PALM2AKAP2: variants seen among roughly 807,000 people sequenced by gnomAD.
PALM2AKAP2 encodes PALM2 and AKAP2 fusion, also known as PALM2-AKAP2 fusion protein.
In PALM2AKAP2, 37 loss-of-function variants were observed where a neutral mutation model predicts 71.5. The observed-to-expected ratio is 0.52, with a 90% CI of 0.40 to 0.68. The LOEUF (loss-of-function observed/expected upper bound fraction) is 0.68, where lower values mean the gene tolerates loss of function less well. Among genes scored for constraint, PALM2AKAP2 ranks in the 30% least tolerant of loss-of-function variants. The probability of loss-of-function intolerance (pLI) is 0.00; values close to 1 mark genes in which losing one functional copy is unlikely to be tolerated. For synonymous variants in PALM2AKAP2, 468 were observed against 478.8 expected, an observed-to-expected ratio of 0.98 and a Z score of 0.29; for missense variants, 1,224 against 1,191.8, an observed-to-expected ratio of 1.03 and a Z score of -0.40.
At chr9:109,964,995 C>T (rs1831919587) in intron 6 of PALM2AKAP2, among the ~76,000 whole-genome samples, 1 of 152,188 alleles carries the variant, frequency 6.6e-6, no homozygotes, top group African/African-American at 2.4e-5. Context: ...TTACCATCAA[C>T]ATTGACAGAG....
intron 1 of PALM2AKAP2, among the ~76,000 whole-genome samples, chr9:109,782,172 A>G (rs1292460742): frequency 6.6e-6 from 1 of 152,206 alleles, no homozygotes; most frequent in Non-Finnish European, 1.5e-5. Context: ...CCCTTTTCCA[A>G]GTGCGGTTGA....
intron 2 of PALM2AKAP2, among the ~76,000 whole-genome samples, chr9:109,879,231 A>T (rs1352013616): frequency 6.6e-6 from 1 of 152,228 alleles, no homozygotes. Context: ...TGATGAGATC[A>T]AACGAAATTC....
At chr9:110,123,956 CAG>C (rs1404617187) in intron 1 of PALM2AKAP2, among the ~76,000 whole-genome samples, 3 of 152,240 alleles carry the variant, frequency 2.0e-5, no homozygotes, top group Non-Finnish European at 4.4e-5. Context: ...GGCTACACAA[CAG>C]AACATTCCAA....
chr9:109,649,672 C>A (rs957742151), intron 1 of PALM2AKAP2, among the ~76,000 whole-genome samples: 1 of 152,134 alleles, frequency 6.6e-6, no homozygotes, highest in Non-Finnish European at 1.5e-5. Flanking sequence ...ATGTTAATGG[C>A]TTTGCATTTA....
chr9:109,820,619 G>A (rs1172686319), intron 1 of PALM2AKAP2, among the ~76,000 whole-genome samples: 1 of 152,180 alleles, frequency 6.6e-6, no homozygotes, highest in African/African-American at 2.4e-5. Flanking sequence ...CTTGCCACAG[G>A]GGCTGGTGAT....
chr9:109,831,515 C>T (rs544899047), intron 1 of PALM2AKAP2, among the ~76,000 whole-genome samples: 3 of 152,314 alleles, frequency 2.0e-5, no homozygotes, highest in East Asian at 1.9e-4. Context: ...ACAATGAATA[C>T]ATCCTCAGCA....
chr9:110,099,273 G>T (rs1414000468), intron 1 of PALM2AKAP2, among the ~76,000 whole-genome samples: 3 of 152,210 alleles, frequency 2.0e-5, no homozygotes, highest in Non-Finnish European at 4.4e-5. Flanking sequence ...GAGTTACCCT[G>T]CAGCCTTCTG....
intron 6 of PALM2AKAP2, among the ~76,000 whole-genome samples, chr9:109,952,039 C>G (rs937651788): frequency 2.0e-5 from 3 of 152,188 alleles, no homozygotes; most frequent in African/African-American, 7.2e-5. Context: ...TTGTTCACCT[C>G]TCTTTACCTG....
chr9:110,146,304 G>C (rs1024650410), intron 2 of PALM2AKAP2, among the ~76,000 whole-genome samples: 9 of 152,140 alleles, frequency 5.9e-5, no homozygotes, highest in African/African-American at 1.7e-4. Flanking sequence ...AAAGCAGAAC[G>C]TTCCCCACCA....
chr9:110,125,609 T>A, intron 1 of PALM2AKAP2: 1 of 984,774 alleles, frequency 1.0e-6, no homozygotes, highest in Non-Finnish European at 1.2e-6. Flanking sequence ...AAGCCAAGTC[T>A]GCTGACTTAT....
chr9:110,045,004 C>T (rs1027105266), upstream of PALM2AKAP2, among the ~76,000 whole-genome samples: 1 of 152,134 alleles, frequency 6.6e-6, no homozygotes, highest in Admixed American at 6.5e-5. Context: ...AGGCTAACTT[C>T]CTCCCCAGAA....
chr9:110,070,697 T>C (rs1420421850), intron 1 of PALM2AKAP2, among the ~76,000 whole-genome samples: 1 of 152,210 alleles, frequency 6.6e-6, no homozygotes, highest in Non-Finnish European at 1.5e-5. Context: ...GATGACTCCA[T>C]GCTGTACCAT....
intron 1 of PALM2AKAP2, among the ~76,000 whole-genome samples, chr9:110,072,766 G>T (rs1314718180): frequency 6.6e-6 from 1 of 152,152 alleles, no homozygotes; most frequent in Non-Finnish European, 1.5e-5. Flanking sequence ...CCACCTTGGG[G>T]AGTAGCCAAT....
intron 1 of PALM2AKAP2, among the ~76,000 whole-genome samples, chr9:109,668,188 G>A (rs546800454): frequency 0.017 from 367 of 20,992 alleles, 122 homozygotes; most frequent in Non-Finnish European, 0.017. Context: ...CGCCCGCCTC[G>A]GCCTCCCAAA....
chr9:109,917,845 T>C (rs1421618919), intron 3 of PALM2AKAP2, among the ~76,000 whole-genome samples: 2 of 152,096 alleles, frequency 1.3e-5, no homozygotes, highest in Non-Finnish European at 2.9e-5. Context: ...TCATTTTTAC[T>C]TACATCTCAT....
chr9:109,908,544 G>C (rs1830499772), intron 3 of PALM2AKAP2, among the ~76,000 whole-genome samples: 1 of 152,218 alleles, frequency 6.6e-6, no homozygotes, highest in Non-Finnish European at 1.5e-5. Flanking sequence ...GCAAAGAATT[G>C]AATAATGCTT....
At chr9:109,756,172 G>A (rs7849000) in intron 1 of PALM2AKAP2, among the ~76,000 whole-genome samples, 46,054 of 151,668 alleles carry the variant, frequency 0.3, 7,127 homozygotes, top group Middle Eastern at 0.4. Context: ...CCAACAGTAT[G>A]TAAGTCTGTT....
chr9:109,794,810 G>C (rs986359873), intron 1 of PALM2AKAP2, among the ~76,000 whole-genome samples: 2 of 152,200 alleles, frequency 1.3e-5, no homozygotes, highest in Admixed American at 6.5e-5. Flanking sequence ...TTTTCAAATT[G>C]CTCAAGGTTT....
At chr9:109,680,577 CA>C (rs1253689390) in intron 1 of PALM2AKAP2, among the ~76,000 whole-genome samples, 2 of 152,046 alleles carry the variant, frequency 1.3e-5, no homozygotes, top group Non-Finnish European at 2.9e-5. Flanking sequence ...TCTAGGATTA[CA>C]ATTTTTTTAA....
Sources: gnomAD v4.1 joint callset for allele counts (sites outside exome capture counted in the v4.1 genomes callset) on GRCh38, gnomAD v4.1.1 for gene constraint, MANE v1.5 for transcripts, NCBI Gene and HGNC (gene_info 2026-07-23, HGNC 2026-07-21) for gene names.